The following ZRANB3 variants were observed in gnomAD, a reference collection of about 807,000 sequenced individuals.
ZRANB3 encodes DNA annealing helicase and endonuclease ZRANB3.
Under a neutral mutation model 133.8 loss-of-function variants are expected in ZRANB3, and 125 were observed. The observed-to-expected ratio is 0.93, with a 90% CI of 0.81 to 1.08. The LOEUF is 1.08. ZRANB3 is among the 50% of genes least tolerant of loss of function. ZRANB3 has a pLI of 0.00. For missense variants in ZRANB3, 1,229 were observed against 1,275.5 expected (o/e 0.96, Z 0.56); for synonymous variants, 387 against 432.7 (o/e 0.89, Z 1.31).
intron 6 of ZRANB3, among the ~76,000 whole-genome samples, chr2:135,326,064 T>A (rs910375636): frequency 6.6e-6 from 1 of 152,200 alleles, no homozygotes; most frequent in Admixed American, 6.6e-5. Flanking sequence ...TATCATTTGC[T>A]GTATGTGAGC....
chr2:135,366,324 G>T (rs1299743806), intron 3 of ZRANB3, among the ~76,000 whole-genome samples: 1 of 151,838 alleles, frequency 6.6e-6, no homozygotes, highest in Non-Finnish European at 1.5e-5. Flanking sequence ...TTTAAGAAAA[G>T]TACAAATTAA....
chr2:135,229,364 ATATT>A (rs1366259577), intron 13 of ZRANB3, among the ~76,000 whole-genome samples: 4 of 149,932 alleles, frequency 2.7e-5, no homozygotes, highest in African/African-American at 1.0e-4. Context: ...GTCAATGCCA[ATATT>A]TTTTTTTTTT....
At chr2:135,271,641 AT>A in intron 10 of ZRANB3, 126 bp downstream of exon 10, 1 of 1,110,080 alleles carries the variant, frequency 9.0e-7, no homozygotes, top group Admixed American at 2.9e-5. Flanking sequence ...CTGAAGAAGA[AT>A]TACTATTTAT....
intron 3 of ZRANB3, among the ~76,000 whole-genome samples, chr2:135,359,576 C>T (rs1356521066): frequency 7.5e-6 from 1 of 133,628 alleles, no homozygotes; most frequent in Non-Finnish European, 1.6e-5. Flanking sequence ...GAATGAGACC[C>T]TGAAAAAAAA....
chr2:135,275,530 C>T, intron 9 of ZRANB3, 106 bp downstream of exon 9: 3 of 858,690 alleles, frequency 3.5e-6, no homozygotes, highest in South Asian at 8.1e-5. Context: ...TATATACCAT[C>T]ATCTAAAGAA....
intron 2 of ZRANB3, among the ~76,000 whole-genome samples, chr2:135,472,383 C>T (rs1691306231): frequency 6.6e-6 from 1 of 151,900 alleles, no homozygotes; most frequent in Admixed American, 6.6e-5. Flanking sequence ...GCCTGTAGTC[C>T]CAGCTGCTGG....
At chr2:135,370,966 C>T (rs1686152245) in intron 3 of ZRANB3, among the ~76,000 whole-genome samples, 1 of 152,168 alleles carries the variant, frequency 6.6e-6, no homozygotes, top group African/African-American at 2.4e-5. Context: ...CTCCTGCCAC[C>T]CTGTGAAGAG....
chr2:135,462,546 TTCC>T (rs917057264), intron 2 of ZRANB3, among the ~76,000 whole-genome samples: 1 of 151,824 alleles, frequency 6.6e-6, no homozygotes, highest in Admixed American at 6.6e-5. Context: ...TTTCCCTTCC[TTCC>T]TTTCTTTTCC....
At chr2:135,217,427 G>A (rs370458965) in intron 17 of ZRANB3, 38 bp downstream of exon 17, 72 of 1,545,982 alleles carry the variant, frequency 4.7e-5, no homozygotes, top group Non-Finnish European at 6.1e-5. Flanking sequence ...ACCATGAAAA[G>A]TAATATAATA....
intron 15 of ZRANB3, among the ~76,000 whole-genome samples, chr2:135,220,844 T>C (rs531337477): frequency 4.8e-4 from 72 of 150,870 alleles, no homozygotes; most frequent in African/African-American, 1.7e-3. Flanking sequence ...TTTTAGGCAG[T>C]GAACTAGGAA....
intron 2 of ZRANB3, among the ~76,000 whole-genome samples, chr2:135,500,902 A>G (rs1202600880): frequency 6.6e-6 from 1 of 152,150 alleles, no homozygotes; most frequent in Non-Finnish European, 1.5e-5. Flanking sequence ...AGACATTAAT[A>G]GAAGCATAGG....
intron 6 of ZRANB3, among the ~76,000 whole-genome samples, chr2:135,339,709 A>G (rs1245194700): frequency 2.6e-5 from 4 of 152,230 alleles, no homozygotes; most frequent in Non-Finnish European, 5.9e-5. Context: ...GTAATAGGTA[A>G]AACTTTGTCT....
chr2:135,488,849 T>C (rs1367584245), intron 2 of ZRANB3, among the ~76,000 whole-genome samples: 3 of 150,320 alleles, frequency 2.0e-5, no homozygotes, highest in Non-Finnish European at 4.4e-5. Context: ...TTGATTATAC[T>C]ATATAGCATA....
intron 2 of ZRANB3, among the ~76,000 whole-genome samples, chr2:135,486,748 A>C (rs1322942650): frequency 6.6e-6 from 1 of 152,164 alleles, no homozygotes; most frequent in African/African-American, 2.4e-5. Flanking sequence ...TCCTGACCTC[A>C]GGTGATCCAC....
At chr2:135,345,688 T>A in intron 5 of ZRANB3, 53 bp from the exon 6 acceptor site, 1 of 1,262,568 alleles carries the variant, frequency 7.9e-7, no homozygotes, top group Non-Finnish European at 1.1e-6. Context: ...AGTAAATTAT[T>A]ATTACAATGA....
At chr2:135,234,385 C>T (rs572057175) in intron 12 of ZRANB3, among the ~76,000 whole-genome samples, 28 of 152,232 alleles carry the variant, frequency 1.8e-4, no homozygotes, top group African/African-American at 3.9e-4. Context: ...GACAGATCTA[C>T]GAGACAGAAA....
chr2:135,447,065 G>C (rs537441596), intron 2 of ZRANB3, among the ~76,000 whole-genome samples: 1 of 151,852 alleles, frequency 6.6e-6, no homozygotes, highest in African/African-American at 2.4e-5. Context: ...TTTTTTGAGA[G>C]ACTCTCGCTC....
Position 135,210,552 on chromosome 2 carries a change from G to A in ZRANB3, c.2496-1574C>T, listed in dbSNP as rs118033698. Among the ~76,000 whole-genome samples the A allele has an allele frequency of 5.8e-3, 882 of 152,088 alleles. 12 individuals are homozygous for A. The highest frequency in any genetic ancestry group is 0.033 in the South Asian group (158 of 4,822). On this transcript the variant is annotated intron_variant, in intron 17 of 20. Transcript: ENST00000264159. ...TTGCCATGTTGGCCAGGCTGGTCTC[G>A]AACTGGCCTCAATTGATCCGCCTGT...
intron 8 of ZRANB3, among the ~76,000 whole-genome samples, chr2:135,288,477 T>A (rs1011421894): frequency 6.6e-6 from 1 of 152,218 alleles, no homozygotes; most frequent in African/African-American, 2.4e-5. Flanking sequence ...TCCCACTTTA[T>A]CTTTCGGAAC....
Sources: allele counts gnomAD v4.1 joint callset (sites outside exome capture counted in the v4.1 genomes callset), GRCh38; gene constraint gnomAD v4.1.1; transcripts MANE v1.5; gene names NCBI Gene and HGNC (gene_info 2026-07-23, HGNC 2026-07-21).